Variants in MYH15 observed in about 807,000 individuals in gnomAD.
MYH15 encodes the protein myosin-15.
MYH15 carries 227 observed loss-of-function variants against 240.5 expected under a neutral mutation model. The ratio of observed to expected loss-of-function variants is 0.94; its 90% CI spans 0.85 to 1.05. MYH15 has a LOEUF of 1.05. Among genes scored for constraint, MYH15 ranks in the 50% least tolerant of loss-of-function variants. The pLI, the probability that MYH15 is intolerant of heterozygous loss-of-function variation, is 0.00. For missense variants in MYH15, 2,217 were observed against 2,247.5 expected (o/e 0.99, Z 0.27); for synonymous variants, 785 against 796.7 (o/e 0.99, Z 0.25).
Position 108,414,662 on chromosome 3 carries a change from G to C in MYH15, c.3949-234C>G, listed in dbSNP as rs1051008462. ...GGGAATTCTATTTAGAGAAATGCCAGCTTGGCTCTGTGGACTTAGACAGGC... is the reference window on the plus strand; with the variant it reads ...GGGAATTCTATTTAGAGAAATGCCACCTTGGCTCTGTGGACTTAGACAGGC... On this transcript the variant is annotated intron_variant, in intron 29 of 40. Coordinates refer to ENST00000693548, the MANE Select transcript of MYH15 (RefSeq NM_014981.3). Among the ~76,000 whole-genome samples the C allele has an allele frequency of 2.6e-5, 4 of 152,350 alleles. No individual in the cohort carries two copies. The South Asian group carries it at 6.2e-4, about 24-fold the overall frequency.
chr3:108,445,906 T>C (rs2082923883), intron 21 of MYH15, among the ~76,000 whole-genome samples: 1 of 151,796 alleles, frequency 6.6e-6, no homozygotes, highest in Admixed American at 6.6e-5. Flanking sequence ...AAATACTCAG[T>C]GGAAAAATTA....
intron 19 of MYH15, 25 bp from the exon 20 acceptor site, chr3:108,455,884 A>G (rs912710644): frequency 2.5e-6 from 4 of 1,599,026 alleles, no homozygotes; most frequent in Non-Finnish European, 2.6e-6. Context: ...AGAAAAAATC[A>G]TGAGTTTGGG....
the MYH15 span, among the ~76,000 whole-genome samples, chr3:108,539,982 G>A: frequency 6.0e-4 from 92 of 152,164 alleles, 1 homozygote; most frequent in African/African-American, 1.7e-3. Flanking sequence ...GACAAAGACT[G>A]CCCACATGAG....
Position 108,456,802 on chromosome 3 carries a change from A to G in MYH15, c.2102T>C (p.Phe701Ser). The G allele has an allele frequency of 6.2e-7, 1 of 1,613,784 alleles. No homozygotes were observed. The highest frequency in any genetic ancestry group is 1.7e-4 in the Middle Eastern group (1 of 6,058). ...ATCAGCATACTGCAGTCGGTTTGGA[A>G]AACCTTCACGGCATATCCTAGTCCC... ...LEGTRICREG[F>S]PNRLQYADFK... The change falls in exon 19 of 41, where the codon TTT (phenylalanine) becomes TCT (serine). Residue 701 changes from phenylalanine (F) to serine (S), a missense_variant. Phe to Ser is a radical substitution (Grantham distance 155). Coordinates refer to ENST00000693548, the MANE Select transcript of MYH15 (RefSeq NM_014981.3).
chr3:108,532,860 T>A (rs1014399643), upstream of MYH15, among the ~76,000 whole-genome samples: 2 of 152,188 alleles, frequency 1.3e-5, no homozygotes, highest in East Asian at 3.9e-4. Flanking sequence ...GATGAACTCA[T>A]CAAGAATAAG....
rs562079858 is a variant in MYH15 at position 108,459,180 on chromosome 3, T to C, written c.2020+182A>G. Reference sequence around the variant, plus strand: ...CCGCTTTGTGAAACCCTTCTGTACATCCATTTCAATGGCAATATTGAGGAG... The same window carrying C: ...CCGCTTTGTGAAACCCTTCTGTACACCCATTTCAATGGCAATATTGAGGAG... On this transcript the variant is annotated intron_variant, in intron 18 of 40. Coordinates refer to ENST00000693548, the MANE Select transcript of MYH15 (RefSeq NM_014981.3). Among the ~76,000 whole-genome samples, 15 of 152,302 alleles carry C rather than the reference T, an allele frequency of 9.8e-5. No homozygotes were observed. The East Asian group carries it at 2.9e-3, about 29-fold the overall frequency.
At position 108,410,894 on chromosome 3, in the gene MYH15, G is replaced by T. The variant is rs780451767; in HGVS notation, c.4184C>A (p.Ala1395Asp). 2.7e-5 allele frequency: 44 copies of T among 1,606,790 alleles called. No individual in the cohort carries two copies. The highest frequency in any genetic ancestry group is 3.4e-5 in the Non-Finnish European group (40 of 1,174,192). ...LAIRLQEAAEAMGVANARNAS... is the reference protein window; with the variant it reads ...LAIRLQEAAEDMGVANARNAS... ...ATTTCTGGCATTGGCCACCCCCATG[G>T]CTTCGGCTGCCTCCTGCAATCTAAT... is the stretch of plus-strand genomic sequence containing the variant. The change falls in exon 31 of 41, where the codon GCC (alanine) becomes GAC (aspartate). Residue 1395 changes from alanine (A) to aspartate (D), a missense_variant. Physicochemically the swap from Ala to Asp is moderately radical, Grantham distance 126 (BLOSUM62 -2). Transcript: ENST00000693548.
At position 108,470,097 on chromosome 3, in the gene MYH15, C is replaced by CA. The variant is rs774017577; in HGVS notation, c.1498dup (p.Trp500LeufsTer18). On this transcript the variant is annotated frameshift_variant, in exon 14 of 41. Transcript: ENST00000693548. LOFTEE classifies it high-confidence loss of function. Reference sequence around the variant, plus strand: ...ATCCAGACCAAAGCCAATAGACACCCATTCAATGCTTTCTTTCTTATATTC... The same window carrying CA: ...ATCCAGACCAAAGCCAATAGACACCCAATTCAATGCTTTCTTTCTTATATTC... 4.3e-6 allele frequency: 7 copies of CA among 1,612,042 alleles called. No individual in the cohort carries two copies. The highest frequency in any genetic ancestry group is 5.1e-6 in the Non-Finnish European group (6 of 1,179,284).
intron 2 of MYH15, among the ~76,000 whole-genome samples, chr3:108,505,347 C>A (rs759177253): frequency 3.3e-5 from 5 of 152,156 alleles, no homozygotes; most frequent in Non-Finnish European, 7.4e-5. Flanking sequence ...CTGCTCACTG[C>A]AACCTCGACC....
At position 108,391,741 on chromosome 3, in the gene MYH15, T is replaced by C. The variant is rs1219230696; in HGVS notation, c.5430+19A>G. 1 of 1,609,154 alleles carries C rather than the reference T, an allele frequency of 6.2e-7. No individual in the cohort carries two copies. The highest frequency in any genetic ancestry group is 1.3e-5 in the African/African-American group (1 of 74,738). On this transcript the variant is annotated intron_variant, in intron 37 of 40. Coordinates refer to ENST00000693548, the MANE Select transcript of MYH15 (RefSeq NM_014981.3). ...TGAATTGGGGACTGTCAAGCCCTCA[T>C]GATTACCCAGACTCCTACCCTGGAT... is the stretch of plus-strand genomic sequence containing the variant.
intron 24 of MYH15, 22 bp from the exon 25 acceptor site, chr3:108,437,721 TAGC>T (rs772233411): frequency 6.2e-7 from 1 of 1,603,054 alleles, no homozygotes; most frequent in African/African-American, 1.3e-5. Flanking sequence ...AAACATTATT[TAGC>T]TAAATAAATA....
chr3:108,530,971 A>G (rs2083707032), upstream of MYH15, among the ~76,000 whole-genome samples: 1 of 152,212 alleles, frequency 6.6e-6, no homozygotes, highest in Non-Finnish European at 1.5e-5. Context: ...GTTGACTTCA[A>G]GATGAGCGCT....
At chr3:108,531,980 T>C (rs565485820), upstream of MYH15, among the ~76,000 whole-genome samples, 3 of 152,240 alleles carry the variant, frequency 2.0e-5, no homozygotes, top group South Asian at 2.1e-4. Context: ...GTCAGATTTG[T>C]AGGAGAGGTC....
Position 108,428,527 on chromosome 3 carries a change from G to A in MYH15, c.3667C>T (p.Leu1223Phe), listed in dbSNP as rs866128091. The A allele has an allele frequency of 1.2e-6, 2 of 1,614,042 alleles. No homozygotes were observed. The change falls in exon 27 of 41, where the codon CTC becomes TTC. Residue 1223 changes from leucine to phenylalanine, a missense_variant. Coordinates refer to ENST00000693548, the MANE Select transcript of MYH15 (RefSeq NM_014981.3). ...GTCATCTGCTCAACACGGGTCAGGA[G>A]GTCATCTACTTCTAGCTGCAAGTCA... ...KSDLQLEVDD[L>F]LTRVEQMTRA...
chr3:108,491,289 A>G (rs935256320), intron 9 of MYH15, among the ~76,000 whole-genome samples: 3 of 152,168 alleles, frequency 2.0e-5, no homozygotes, highest in South Asian at 2.1e-4. Context: ...TGTACCCCCT[A>G]TGATTAAAAA....
chr3:108,393,799 G>A (rs2082438815), intron 36 of MYH15, among the ~76,000 whole-genome samples: 1 of 152,214 alleles, frequency 6.6e-6, no homozygotes, highest in East Asian at 1.9e-4. Flanking sequence ...ATAAGGTTTT[G>A]CTTATAGCAA....
Position 108,455,736 on chromosome 3 carries a change from C to A in MYH15, c.2262G>T (p.Lys754Asn). ...DHTQYRFGITKVFFKAGFLGQ... is the reference protein window; with the variant it reads ...DHTQYRFGITNVFFKAGFLGQ... ...GCATTCTTTGCAGTTTTCTGGTTAC[C>A]TTAGTGATTCCAAATCGGTACTGGG... The change falls in exon 20 of 41, where the codon AAG becomes AAT. Residue 754 changes from lysine to asparagine, a missense_variant and splice_region_variant. Lys to Asn is a moderately conservative substitution (Grantham distance 94). Transcript: ENST00000693548. The A allele has an allele frequency of 6.2e-7, 1 of 1,613,664 alleles. No individual in the cohort carries two copies. The highest frequency in any genetic ancestry group is 8.5e-7 in the Non-Finnish European group (1 of 1,179,694).
At chr3:108,444,235 C>T (rs2082908685) in intron 22 of MYH15, among the ~76,000 whole-genome samples, 1 of 151,806 alleles carries the variant, frequency 6.6e-6, no homozygotes, top group South Asian at 2.1e-4. Context: ...AGCAGGGAGA[C>T]CAAAATCAGG....
chr3:108,498,938 T>C (rs559947525), intron 5 of MYH15, among the ~76,000 whole-genome samples: 4 of 152,348 alleles, frequency 2.6e-5, no homozygotes, highest in African/African-American at 9.6e-5. Flanking sequence ...TCATCAAAAT[T>C]CACATACAAT....
Sources: gnomAD v4.1 joint callset for allele counts (sites outside exome capture counted in the v4.1 genomes callset) on GRCh38, gnomAD v4.1.1 for gene constraint, MANE v1.5 for transcripts, NCBI Gene and HGNC (gene_info 2026-07-23, HGNC 2026-07-21) for gene names.